CCDC192: variants seen among roughly 807,000 people sequenced by gnomAD.
CCDC192 encodes the protein coiled-coil domain-containing protein 192.
At chr5:127,897,022 C>A (rs1752910992) in intron 6 of CCDC192, among the ~76,000 whole-genome samples, 2 of 151,588 alleles carry the variant, frequency 1.3e-5, no homozygotes, top group Non-Finnish European at 2.9e-5. Flanking sequence ...CTTAAAACTG[C>A]AGGTCAACTT....
chr5:127,737,989 A>G (rs1216855026), intron 2 of CCDC192, among the ~76,000 whole-genome samples: 1 of 149,282 alleles, frequency 6.7e-6, no homozygotes, highest in Non-Finnish European at 1.5e-5. Context: ...TTAGCTGGTT[A>G]TTTTGCTCGT....
At chr5:127,909,105 AAGG>A (rs1368057965) in intron 6 of CCDC192, among the ~76,000 whole-genome samples, 1 of 152,158 alleles carries the variant, frequency 6.6e-6, no homozygotes, top group African/African-American at 2.4e-5. Flanking sequence ...TTGTTGCTAG[AAGG>A]AGGAGCTGAA....
intron 6 of CCDC192, among the ~76,000 whole-genome samples, chr5:127,895,017 G>A (rs1752839494): frequency 6.6e-6 from 1 of 152,118 alleles, no homozygotes; most frequent in Non-Finnish European, 1.5e-5. Flanking sequence ...TTGAGTTCAG[G>A]GGTACATGTG....
At chr5:127,772,921 G>A (rs990429187) in intron 3 of CCDC192, among the ~76,000 whole-genome samples, 53 of 152,186 alleles carry the variant, frequency 3.5e-4, no homozygotes, top group African/African-American at 1.2e-3. Flanking sequence ...TGGTGGGAAG[G>A]TGAGGGAATA....
chr5:127,722,229 T>A (rs1334040871), intron 2 of CCDC192, among the ~76,000 whole-genome samples: 1 of 152,218 alleles, frequency 6.6e-6, no homozygotes, highest in Non-Finnish European at 1.5e-5. Context: ...GTCAAGCACT[T>A]CTTCGTATGG....
intron 3 of CCDC192, among the ~76,000 whole-genome samples, chr5:127,789,863 T>C (rs1333785894): frequency 6.6e-6 from 1 of 152,214 alleles, no homozygotes. Context: ...ACTAAAGCCA[T>C]GATGGTGAGG....
intron 6 of CCDC192, among the ~76,000 whole-genome samples, chr5:127,888,252 C>T (rs1752629491): frequency 6.6e-6 from 1 of 151,648 alleles, no homozygotes; most frequent in African/African-American, 2.4e-5. Flanking sequence ...CCCACCTCTA[C>T]TAAAAATACA....
intron 6 of CCDC192, among the ~76,000 whole-genome samples, chr5:127,918,756 C>T (rs1240211130): frequency 6.6e-6 from 1 of 151,944 alleles, no homozygotes; most frequent in Non-Finnish European, 1.5e-5. Flanking sequence ...TTAGCTGGTC[C>T]CTCCTGACTC....
At chr5:127,759,447 A>G (rs1428236061) in intron 3 of CCDC192, among the ~76,000 whole-genome samples, 2 of 152,162 alleles carry the variant, frequency 1.3e-5, no homozygotes, top group East Asian at 1.9e-4. Flanking sequence ...CCATGTGAGG[A>G]CAGAGCAAGA....
At chr5:127,711,775 T>C (rs566084158) in intron 2 of CCDC192, among the ~76,000 whole-genome samples, 4 of 152,206 alleles carry the variant, frequency 2.6e-5, no homozygotes, top group African/African-American at 9.6e-5. Context: ...TATCTATATT[T>C]AAATAAAGAT....
At chr5:127,844,414 A>G (rs1410256284) in intron 5 of CCDC192, among the ~76,000 whole-genome samples, 3 of 152,212 alleles carry the variant, frequency 2.0e-5, no homozygotes, top group Non-Finnish European at 4.4e-5. Context: ...AATGGATTTG[A>G]CAAAGACTAC....
At chr5:127,755,688 A>G (rs1379969407) in intron 3 of CCDC192, among the ~76,000 whole-genome samples, 2 of 151,836 alleles carry the variant, frequency 1.3e-5, no homozygotes, top group Non-Finnish European at 2.9e-5. Flanking sequence ...AGCAAAAAAA[A>G]AAAAAACTAA....
At chr5:127,786,766 A>G (rs1756562908) in intron 3 of CCDC192, 3 of 661,110 alleles carry the variant, frequency 4.5e-6, no homozygotes, top group Admixed American at 2.0e-5. Flanking sequence ...TTATTCAAAA[A>G]TTACTTAAGT....
intron 3 of CCDC192, among the ~76,000 whole-genome samples, chr5:127,773,220 A>G (rs1215468179): frequency 2.0e-5 from 3 of 152,194 alleles, no homozygotes; most frequent in South Asian, 2.1e-4. Context: ...CAATGAGTGG[A>G]TGTAATGCTA....
intron 5 of CCDC192, among the ~76,000 whole-genome samples, chr5:127,812,042 T>C (rs1408982436): frequency 6.6e-6 from 1 of 152,174 alleles, no homozygotes; most frequent in Non-Finnish European, 1.5e-5. Flanking sequence ...AGTGTCTGAG[T>C]AGATTGCTTG....
At chr5:127,709,202 GGA>G (rs201676720) in intron 2 of CCDC192, among the ~76,000 whole-genome samples, 1,818 of 85,414 alleles carry the variant, frequency 0.021, 23 homozygotes, top group African/African-American at 0.037. Context: ...GGAGAGAGGG[GGA>G]GAGAGAGAGA....
chr5:127,740,948 C>T (rs929924734), intron 2 of CCDC192, among the ~76,000 whole-genome samples: 2 of 152,112 alleles, frequency 1.3e-5, no homozygotes, highest in Non-Finnish European at 2.9e-5. Context: ...ATAATCCTGT[C>T]ACACAAAAAA....
chr5:127,797,090 A>G lies in CCDC192; in HGVS notation c.223-13A>G, dbSNP rs1428993199. 1.5e-5 allele frequency: 6 copies of G among 397,442 alleles called. No homozygotes were observed. Among genetic ancestry groups the G allele is most frequent in the Non-Finnish European group, 2.2e-5 (5 of 225,024 alleles). The allele number at this position is 397,442 out of a possible 1,614,324, so 24.6% of individuals were successfully genotyped here. ...ACTGTACTTACATACTCTTATAAAGAAAATATCTTTAGCTTTCAGTCTCTG... is the reference window on the plus strand; with the variant it reads ...ACTGTACTTACATACTCTTATAAAGGAAATATCTTTAGCTTTCAGTCTCTG... On this transcript the variant is annotated splice_polypyrimidine_tract_variant and intron_variant, in intron 3 of 6. Coordinates refer to ENST00000514853, the MANE Select transcript of CCDC192 (RefSeq NM_001317938.2).
chr5:127,765,027 G>T (rs921438512), intron 3 of CCDC192, among the ~76,000 whole-genome samples: 1 of 152,162 alleles, frequency 6.6e-6, no homozygotes, highest in African/African-American at 2.4e-5. Flanking sequence ...ATCTCTTGAG[G>T]TTATTGAATG....
Sources: gnomAD v4.1 joint callset for allele counts (sites outside exome capture counted in the v4.1 genomes callset) on GRCh38, gnomAD v4.1.1 for gene constraint, MANE v1.5 for transcripts, NCBI Gene and HGNC (gene_info 2026-07-23, HGNC 2026-07-21) for gene names.